The following ZBTB20 variants were observed in gnomAD, a reference collection of about 807,000 sequenced individuals.
The protein encoded by ZBTB20 is zinc finger and BTB domain-containing protein 20.
In ZBTB20, 9 loss-of-function variants were observed where a neutral mutation model predicts 56.9. That is an observed-to-expected ratio of 0.16 (90% CI 0.10 to 0.28). ZBTB20 has a LOEUF of 0.28. ZBTB20 is among the 10% of genes least tolerant of loss of function. The pLI, the probability that ZBTB20 is intolerant of heterozygous loss-of-function variation, is 1.00. For missense variants in ZBTB20, 655 were observed against 1,003.0 expected, an observed-to-expected ratio of 0.65 and a Z score of 4.69; for synonymous variants, 417 against 420.7, an observed-to-expected ratio of 0.99 and a Z score of 0.11.
chr3:114,690,641 T>C (rs1273161279), intron 6 of ZBTB20, among the ~76,000 whole-genome samples: 1 of 152,194 alleles, frequency 6.6e-6, no homozygotes, highest in Non-Finnish European at 1.5e-5. Flanking sequence ...CCCTTTGTTA[T>C]ACAATGCATA....
intron 6 of ZBTB20, among the ~76,000 whole-genome samples, chr3:114,585,731 C>A (rs2055116240): frequency 6.6e-6 from 1 of 152,146 alleles, no homozygotes; most frequent in African/African-American, 2.4e-5. Flanking sequence ...TGTTAGGGTT[C>A]TTCTGCATAA....
At chr3:114,457,876 G>C (rs1409081967) in intron 7 of ZBTB20, among the ~76,000 whole-genome samples, 1 of 152,072 alleles carries the variant, frequency 6.6e-6, no homozygotes, top group East Asian at 1.9e-4. Context: ...GTACTAAACT[G>C]GCACACAGTA....
At chr3:114,681,715 T>A (rs2061985373) in intron 6 of ZBTB20, among the ~76,000 whole-genome samples, 1 of 152,194 alleles carries the variant, frequency 6.6e-6, no homozygotes, top group South Asian at 2.1e-4. Flanking sequence ...ATCCAATCAT[T>A]TAATCCTACA....
At chr3:114,761,432 T>C (rs1218378611) in intron 5 of ZBTB20, among the ~76,000 whole-genome samples, 2 of 152,172 alleles carry the variant, frequency 1.3e-5, no homozygotes, top group Non-Finnish European at 2.9e-5. Context: ...AGATATACAC[T>C]ATGTGAATTC....
At chr3:114,604,791 A>G (rs1285004625) in intron 6 of ZBTB20, among the ~76,000 whole-genome samples, 2 of 152,014 alleles carry the variant, frequency 1.3e-5, no homozygotes, top group African/African-American at 4.8e-5. Flanking sequence ...ATTCCTTTCT[A>G]AGCTCAATCG....
intron 6 of ZBTB20, among the ~76,000 whole-genome samples, chr3:114,557,691 G>A (rs2051429200): frequency 6.6e-6 from 1 of 151,908 alleles, no homozygotes; most frequent in Admixed American, 6.6e-5. Flanking sequence ...TTTTCAAAAA[G>A]GCTCCCACTC....
rs945712304 is a variant in ZBTB20, at chr3:114,350,470, C to G, written c.1608G>C (p.Gln536His). The G allele has an allele frequency of 6.2e-7, 1 of 1,614,066 alleles. No individual in the cohort carries two copies. Among genetic ancestry groups the G allele is most frequent in the Non-Finnish European group, 8.5e-7 (1 of 1,180,014 alleles). ...GCTGGGACACTGTCACAAACTGGGT[C>G]TGCTGGCCTGCCAGGGGCTGTGGCA... ...FSLPQPLAGQQTQFVTVSQPG... is the reference protein window; with the variant it reads ...FSLPQPLAGQHTQFVTVSQPG... The change falls in exon 11 of 12, where the codon CAG (glutamine) becomes CAC (histidine). Residue 536 changes from glutamine (Q) to histidine (H), a missense_variant. Transcript: ENST00000675478.
At chr3:114,762,799 G>A (rs994746457) in intron 5 of ZBTB20, among the ~76,000 whole-genome samples, 6 of 152,106 alleles carry the variant, frequency 3.9e-5, no homozygotes, top group Admixed American at 1.3e-4. Flanking sequence ...ACAACTTCAC[G>A]TACTCTTTCT....
chr3:114,505,763 GT>G (rs1165498173), intron 6 of ZBTB20, among the ~76,000 whole-genome samples: 1 of 152,036 alleles, frequency 6.6e-6, no homozygotes, highest in Non-Finnish European at 1.5e-5. Context: ...GGTTTCCAGT[GT>G]TTTCAAAGGA....
intron 1 of ZBTB20, among the ~76,000 whole-genome samples, chr3:115,130,140 G>A (rs1165089759): frequency 2.0e-5 from 3 of 152,108 alleles, no homozygotes; most frequent in African/African-American, 7.2e-5. Context: ...TAAAGATAAA[G>A]ATCCTGAGAT....
At chr3:114,560,574 C>T (rs2051883854) in intron 6 of ZBTB20, among the ~76,000 whole-genome samples, 1 of 152,234 alleles carries the variant, frequency 6.6e-6, no homozygotes, top group Non-Finnish European at 1.5e-5. Flanking sequence ...CACCACTACA[C>T]TTTCCTGTCT....
intron 3 of ZBTB20, among the ~76,000 whole-genome samples, chr3:114,959,797 T>C (rs977920363): frequency 2.0e-5 from 3 of 151,916 alleles, no homozygotes; most frequent in Non-Finnish European, 2.9e-5. Flanking sequence ...CATACAAATT[T>C]AGAGAGTCTA....
At chr3:114,764,658 A>T (rs546847670) in intron 5 of ZBTB20, among the ~76,000 whole-genome samples, 39 of 152,320 alleles carry the variant, frequency 2.6e-4, no homozygotes, top group Admixed American at 1.3e-4. Flanking sequence ...ATTTTCCTAT[A>T]TCAGTGAGCA....
chr3:114,947,579 A>C (rs1415824973), intron 3 of ZBTB20, among the ~76,000 whole-genome samples: 2 of 145,994 alleles, frequency 1.4e-5, no homozygotes, highest in Non-Finnish European at 2.9e-5. Flanking sequence ...CTATGTTCTC[A>C]CTTATAAGTG....
chr3:114,583,816 G>A (rs553464960), intron 6 of ZBTB20, among the ~76,000 whole-genome samples: 80 of 152,320 alleles, frequency 5.3e-4, no homozygotes, highest in Middle Eastern at 3.4e-3. Flanking sequence ...AAGCACATCA[G>A]TGCAAATTAT....
chr3:114,544,384 A>G lies in ZBTB20; in HGVS notation c.-294-43993T>C, dbSNP rs151137541. On this transcript the variant is annotated intron_variant, in intron 6 of 11. Transcript: ENST00000675478. ...ACCTAACACCAATAAAATTACCTGT[A>G]GCACTCTTAAAAACTAGATTTCTTC... 2.0e-3 allele frequency among the ~76,000 whole-genome samples: 299 copies of G among 152,032 alleles called. 2 individuals carry two copies. The highest frequency in any genetic ancestry group is 6.9e-3 in the African/African-American group (287 of 41,478).
intron 5 of ZBTB20, among the ~76,000 whole-genome samples, chr3:114,721,376 C>A (rs1578522164): frequency 6.6e-6 from 1 of 152,190 alleles, no homozygotes; most frequent in South Asian, 2.1e-4. Context: ...TGATCCACTG[C>A]AACAACCCAG....
chr3:114,851,338 A>G (rs2074989888), intron 4 of ZBTB20, among the ~76,000 whole-genome samples: 1 of 152,178 alleles, frequency 6.6e-6, no homozygotes, highest in Non-Finnish European at 1.5e-5. Context: ...CATACACACA[A>G]TTTATTTATT....
chr3:114,897,448 T>C (rs1403217389), intron 4 of ZBTB20, among the ~76,000 whole-genome samples: 1 of 152,132 alleles, frequency 6.6e-6, no homozygotes, highest in African/African-American at 2.4e-5. Flanking sequence ...GTGGATTTTC[T>C]TTCTTTATTT....
Sources: allele counts gnomAD v4.1 joint callset (sites outside exome capture counted in the v4.1 genomes callset), GRCh38; gene constraint gnomAD v4.1.1; transcripts MANE v1.5; gene names NCBI Gene and HGNC (gene_info 2026-07-23, HGNC 2026-07-21).